DNMT3A: variants seen among roughly 807,000 people sequenced by gnomAD.
The protein encoded by DNMT3A is DNA methyltransferase 3 alpha, also known as DNA (cytosine-5)-methyltransferase 3A.
Under a neutral mutation model 117.6 loss-of-function variants are expected in DNMT3A, and 267 were observed. The observed-to-expected ratio is 2.27, with a 90% CI of 2.05 to 2.51. The LOEUF (loss-of-function observed/expected upper bound fraction) is 2.51. Ranked by LOEUF, DNMT3A falls within the 30% of genes most tolerant of loss-of-function variation. DNMT3A has a pLI of 0.00. For missense variants in DNMT3A, 1,029 were observed against 1,260.2 expected, an observed-to-expected ratio of 0.82 and a Z score of 2.78; for synonymous variants, 432 against 474.8, an observed-to-expected ratio of 0.91 and a Z score of 1.17.
At chr2:25,303,927 A>C in intron 2 of DNMT3A, among the ~76,000 whole-genome samples, 1 of 152,252 alleles carries the variant, frequency 6.6e-6, no homozygotes, top group East Asian at 1.9e-4. Context: ...GGTCTGTTTT[A>C]TTCCATATCT....
At position 25,234,537 on chromosome 2, in the gene DNMT3A, A is replaced by G. The variant is rs1332771140; in HGVS notation, c.2598-117T>C. 8.1e-7 allele frequency: 1 copy of G among 1,230,038 alleles called. No homozygotes were observed. The allele number at this position is 1,230,038 out of a possible 1,614,324, so 76.2% of individuals were successfully genotyped here. ...CAGCAGCCACCCGAAGTGCAGGGAC[A>G]GGGGCACTCACACCCACCAACTCCT... On this transcript the variant is annotated intron_variant, in intron 22 of 22. Transcript: ENST00000321117. The surrounding 1 kb of genome is among the most constrained non-coding windows in gnomAD (Gnocchi z 4.5).
intron 1 of DNMT3A, among the ~76,000 whole-genome samples, chr2:25,340,349 G>A (rs1004542238): frequency 1.3e-5 from 2 of 152,218 alleles, no homozygotes; most frequent in Non-Finnish European, 2.9e-5. Context: ...GAGGAGAGGG[G>A]GAGAAATGGC....
rs779112980 is a variant in DNMT3A at position 25,247,161 on chromosome 2, G to T, written c.1015-3C>A. 12 of 1,613,406 alleles carry T rather than the reference G, an allele frequency of 7.4e-6. No individual in the cohort carries two copies. Among genetic ancestry groups the T allele is most frequent in the Admixed American group, 1.7e-5 (1 of 59,958 alleles). On this transcript the variant is annotated splice_polypyrimidine_tract_variant and splice_region_variant and intron_variant, in intron 8 of 22. Transcript: ENST00000321117. The surrounding 1 kb of genome is among the most constrained non-coding windows in gnomAD (Gnocchi z 5.6). ...GGCATCAGCTTCTCAACACACACCT[G>T]GGGGGACAAGCCAGGCCTTGTTTGC...
chr2:25,265,959 C>T (rs1050655674), intron 6 of DNMT3A, among the ~76,000 whole-genome samples: 4 of 152,196 alleles, frequency 2.6e-5, no homozygotes, highest in African/African-American at 9.7e-5. Context: ...TTTGCTGTGG[C>T]CAGGAGTTGG....
At chr2:25,312,583 G>C (rs910649236) in intron 2 of DNMT3A, among the ~76,000 whole-genome samples, 3 of 152,058 alleles carry the variant, frequency 2.0e-5, no homozygotes, top group African/African-American at 7.2e-5. Context: ...TGGGAGACAG[G>C]AGAACAGGCT....
At chr2:25,244,379 G>A (rs370715766) in intron 14 of DNMT3A, 41 bp from the exon 15 acceptor site, 1 of 1,573,742 alleles carries the variant, frequency 6.4e-7, no homozygotes. Flanking sequence ...TCTCAGCCCT[G>A]GTCCGGGGAG....
In DNMT3A at chr2:25,234,536, C is replaced by T. The variant is rs1558651584; in HGVS notation, c.2598-116G>A. 1 of 1,229,154 alleles carries T rather than the reference C, an allele frequency of 8.1e-7. No homozygotes were observed. Among genetic ancestry groups the T allele is most frequent in the East Asian group, 2.6e-5 (1 of 38,278 alleles). 76.1% of individuals were successfully genotyped at this position (1,229,154 alleles called of 1,614,324 possible). Reference sequence around the variant, plus strand: ...CCAGCAGCCACCCGAAGTGCAGGGACAGGGGCACTCACACCCACCAACTCC... The same window carrying T: ...CCAGCAGCCACCCGAAGTGCAGGGATAGGGGCACTCACACCCACCAACTCC... On this transcript the variant is annotated intron_variant, in intron 22 of 22. Coordinates refer to ENST00000321117, the MANE Select transcript of DNMT3A (RefSeq NM_022552.5). The surrounding 1 kb of genome is among the most constrained non-coding windows in gnomAD (Gnocchi z 4.5).
chr2:25,245,516 G>C (rs1021553551), intron 12 of DNMT3A, among the ~76,000 whole-genome samples, 184 bp from the exon 13 acceptor site: 5 of 152,246 alleles, frequency 3.3e-5, no homozygotes, highest in African/African-American at 7.2e-5. Context: ...CATCATCTCA[G>C]AGCACCAATG....
rs759785711 is a variant in DNMT3A, at chr2:25,294,635, C to T, written c.177+5504G>A. On this transcript the variant is annotated intron_variant, in intron 3 of 22. Transcript: ENST00000321117. This position sits in a 1 kb window ranked among gnomAD's most constrained non-coding sequence, Gnocchi z 4.7. Reference sequence around the variant, plus strand: ...GCTCTGTCTTAACTTGGAGAAGAATCAAAGGTCCTATCAGGCTGGAAAGCT... The same window carrying T: ...GCTCTGTCTTAACTTGGAGAAGAATTAAAGGTCCTATCAGGCTGGAAAGCT... 1.1e-3 allele frequency among the ~76,000 whole-genome samples: 172 copies of T among 152,340 alleles called. No individual in the cohort carries two copies. Among genetic ancestry groups the T allele is most frequent in the Non-Finnish European group, 1.9e-3 (129 of 68,026 alleles).
intron 1 of DNMT3A, among the ~76,000 whole-genome samples, chr2:25,323,070 G>T (rs1573496091): frequency 6.6e-6 from 1 of 151,954 alleles, no homozygotes; most frequent in Admixed American, 6.6e-5. Context: ...TTTTCGTTGT[G>T]CCTGTGCTGA....
chr2:25,241,963 A>G (rs1450564398), intron 16 of DNMT3A: 2 of 504,866 alleles, frequency 4.0e-6, no homozygotes, highest in South Asian at 2.8e-5. Context: ...CGGAGAGTAC[A>G]TGGTTCCAGG....
intron 6 of DNMT3A, among the ~76,000 whole-genome samples, chr2:25,270,318 G>A (rs7605753): frequency 0.42 from 63,319 of 151,978 alleles, 13,640 homozygotes; most frequent in Non-Finnish European, 0.48. Context: ...ATTCGTCTAC[G>A]CCCCATTCAG....
In DNMT3A at chr2:25,286,454, C is replaced by T. The variant is rs1368659372; in HGVS notation, c.178-3743G>A. On this transcript the variant is annotated intron_variant, in intron 3 of 22. Transcript: ENST00000321117. The surrounding 1 kb of genome is among the most constrained non-coding windows in gnomAD (Gnocchi z 4.3). ...CCCGCTGAAATCCCCACTCCCGCATCTGGTCCACACCATCCTCTGCCCAAC... is the reference window on the plus strand; with the variant it reads ...CCCGCTGAAATCCCCACTCCCGCATTTGGTCCACACCATCCTCTGCCCAAC... Among the ~76,000 whole-genome samples, 1 of 152,250 alleles carries T rather than the reference C, an allele frequency of 6.6e-6. No homozygotes were observed. Among genetic ancestry groups the T allele is most frequent in the Non-Finnish European group, 1.5e-5 (1 of 68,048 alleles).
At chr2:25,309,337 G>A (rs994471126) in intron 2 of DNMT3A, among the ~76,000 whole-genome samples, 1 of 152,242 alleles carries the variant, frequency 6.6e-6, no homozygotes, top group African/African-American at 2.4e-5. Flanking sequence ...GAAGGAAGGA[G>A]GGCAGGAGGC....
At chr2:25,324,217 T>C (rs1471518174) in intron 1 of DNMT3A, among the ~76,000 whole-genome samples, 2 of 152,210 alleles carry the variant, frequency 1.3e-5, no homozygotes, top group Non-Finnish European at 2.9e-5. Context: ...GCACCTACCA[T>C]GTGCCAAGCA....
intron 12 of DNMT3A, 73 bp downstream of exon 12, chr2:25,245,947 C>T: frequency 6.2e-7 from 1 of 1,602,058 alleles, no homozygotes; most frequent in Non-Finnish European, 8.5e-7. Flanking sequence ...GTCATTCAAA[C>T]CTTCCTAAGT....
At chr2:25,240,584 A>T in intron 18 of DNMT3A, 56 bp downstream of exon 18, 1 of 1,607,774 alleles carries the variant, frequency 6.2e-7, no homozygotes, top group East Asian at 2.2e-5. Flanking sequence ...TCCAAGGAGG[A>T]AGCCTATGTG....
At chr2:25,249,635 T>C (rs765785696) in intron 6 of DNMT3A, 9 of 1,614,084 alleles carry the variant, frequency 5.6e-6, no homozygotes, top group Non-Finnish European at 7.6e-6. Context: ...ATTCTCCCAT[T>C]GCACAGCCTC....
At chr2:25,253,495 G>A (rs368567893) in intron 6 of DNMT3A, among the ~76,000 whole-genome samples, 1 of 152,118 alleles carries the variant, frequency 6.6e-6, no homozygotes, top group African/African-American at 2.4e-5. Context: ...GAGGTGAGAT[G>A]GGTAGGATGA....
Sources: gnomAD v4.1 joint callset for allele counts (sites outside exome capture counted in the v4.1 genomes callset) on GRCh38, gnomAD v4.1.1 for gene constraint, Gnocchi (gnomAD v3.1) non-coding constraint, MANE v1.5 for transcripts, NCBI Gene and HGNC (gene_info 2026-07-23, HGNC 2026-07-21) for gene names.